Variants in DLGAP1 observed in about 807,000 individuals in gnomAD.
The protein encoded by DLGAP1 is disks large-associated protein 1.
DLGAP1 carries 11 observed loss-of-function variants against 90.8 expected under a neutral mutation model. The ratio of observed to expected loss-of-function variants is 0.12; its 90% confidence interval spans 0.08 to 0.20. DLGAP1 has a LOEUF of 0.20. Among genes scored for constraint, DLGAP1 ranks in the 10% least tolerant of loss-of-function variants. DLGAP1 has a pLI of 1.00. For synonymous variants in DLGAP1, 558 were observed against 540.7 expected, an observed-to-expected ratio of 1.03 and a Z score of -0.44; for missense variants, 1,050 against 1,333.8, an observed-to-expected ratio of 0.79 and a Z score of 3.31.
intron 4 of DLGAP1, among the ~76,000 whole-genome samples, chr18:3,870,257 C>G (rs2070663136): frequency 6.6e-6 from 1 of 152,182 alleles, no homozygotes; most frequent in South Asian, 2.1e-4. Flanking sequence ...ATTAAGGAAG[C>G]TTTACCTCTA....
intron 1 of DLGAP1, among the ~76,000 whole-genome samples, chr18:4,221,461 C>T (rs998642017): frequency 1.3e-5 from 2 of 152,090 alleles, no homozygotes; most frequent in Admixed American, 6.6e-5. Context: ...TTTCTCTCAT[C>T]AATAAAATAT....
Position 4,342,301 on chromosome 18 carries a change from G to A in DLGAP1, c.-267+112705C>T, listed in dbSNP as rs1167576298. On this transcript the variant is annotated intron_variant, in intron 1 of 12. Transcript: ENST00000315677. The surrounding 1 kb of genome is among the most constrained non-coding windows in gnomAD (Gnocchi z 5.8). ...TGGTAGGCGAGGATTTTTTATATTA[G>A]ATGTTACTTGTATTTTTGAACTATA... is the stretch of plus-strand genomic sequence containing the variant. Among the ~76,000 whole-genome samples, 1 of 151,942 alleles carries A rather than the reference G, an allele frequency of 6.6e-6. No homozygotes were observed. Among genetic ancestry groups the A allele is most frequent in the Non-Finnish European group, 1.5e-5 (1 of 68,004 alleles).
Position 3,739,568 on chromosome 18 carries a change from T to C in DLGAP1, c.1350+2767A>G, listed in dbSNP as rs549934845. Reference sequence around the variant, plus strand: ...GCATATTCTCACTCATAGGTGGGAATTGAACAATGAGATCACATGGACACA... The same window carrying C: ...GCATATTCTCACTCATAGGTGGGAACTGAACAATGAGATCACATGGACACA... On this transcript the variant is annotated intron_variant, in intron 6 of 12. Transcript: ENST00000315677. Among the ~76,000 whole-genome samples, 396 of 141,466 alleles carry C rather than the reference T, an allele frequency of 2.8e-3. 1 individual carries two copies. The highest frequency in any genetic ancestry group is 0.01 in the African/African-American group (381 of 37,196). The allele number at this position is 141,466 out of a possible 152,430, so 92.8% of individuals were successfully genotyped here. A position where few individuals can be genotyped will look rare whatever the true frequency, so the allele number is the denominator to read the frequency against.
rs894972430 is a variant in DLGAP1 at position 4,455,152 on chromosome 18, G to A, written c.-413C>T. 1 of 151,638 alleles carries A rather than the reference G, an allele frequency of 6.6e-6. No homozygotes were observed. Among genetic ancestry groups the A allele is most frequent in the African/African-American group, 2.4e-5 (1 of 41,392 alleles). 9.4% of individuals were successfully genotyped at this position (151,638 alleles called of 1,614,324 possible). A position where few individuals can be genotyped will look rare whatever the true frequency, so the allele number is the denominator to read the frequency against. On this transcript the variant is annotated 5_prime_UTR_variant, in exon 1 of 13. Coordinates refer to ENST00000315677, the MANE Select transcript of DLGAP1 (RefSeq NM_004746.4). The stretch of plus-strand genomic sequence containing the variant: ...GACTCGAGAGAGGAGCCGAGGCGGC[G>A]GCGGCCGTTCGCGCCGCCTATGCTG...
At chr18:4,184,100 C>T (rs1328055016) in intron 1 of DLGAP1, among the ~76,000 whole-genome samples, 1 of 152,086 alleles carries the variant, frequency 6.6e-6, no homozygotes, top group African/African-American at 2.4e-5. Context: ...TCTGGATAAA[C>T]TTTAAGAAAA....
At chr18:4,281,614 G>A (rs1160641003) in intron 1 of DLGAP1, among the ~76,000 whole-genome samples, 4 of 152,108 alleles carry the variant, frequency 2.6e-5, no homozygotes, top group South Asian at 2.1e-4. Flanking sequence ...GCAATAATTC[G>A]CTTTCATTTC....
chr18:3,893,744 T>C (rs1246781509), intron 3 of DLGAP1, among the ~76,000 whole-genome samples: 2 of 152,010 alleles, frequency 1.3e-5, no homozygotes, highest in Non-Finnish European at 2.9e-5. Flanking sequence ...AGTAGTGGGA[T>C]TGCTGGATCA....
At chr18:4,157,730 C>T (rs2076780729) in intron 1 of DLGAP1, among the ~76,000 whole-genome samples, 1 of 152,156 alleles carries the variant, frequency 6.6e-6, no homozygotes, top group Non-Finnish European at 1.5e-5. Flanking sequence ...ACGTGATGTT[C>T]ATAATGGTGA....
intron 3 of DLGAP1, among the ~76,000 whole-genome samples, chr18:3,934,182 C>T (rs1428489793): frequency 1.3e-5 from 2 of 152,162 alleles, no homozygotes; most frequent in Admixed American, 1.3e-4. Context: ...AAGCCTTCTT[C>T]ATTCATTTTA....
chr18:3,936,167 A>G (rs2148938245), intron 3 of DLGAP1, among the ~76,000 whole-genome samples: 1 of 152,284 alleles, frequency 6.6e-6, no homozygotes, highest in African/African-American at 2.4e-5. Flanking sequence ...TTGCAAGCCC[A>G]AGTCTGCACA....
intron 5 of DLGAP1, among the ~76,000 whole-genome samples, chr18:3,764,571 T>C (rs916367350): frequency 1.3e-5 from 2 of 152,256 alleles, no homozygotes; most frequent in Admixed American, 6.5e-5. Flanking sequence ...CATATACCCC[T>C]TGTTAATACA....
intron 8 of DLGAP1, among the ~76,000 whole-genome samples, chr18:3,573,372 C>G (rs977752842): frequency 3.9e-5 from 6 of 151,956 alleles, no homozygotes; most frequent in Admixed American, 3.3e-4. Flanking sequence ...CGTGGTAGCG[C>G]GTGGATGTAG....
At chr18:4,045,188 C>T (rs1299530411) in intron 2 of DLGAP1, among the ~76,000 whole-genome samples, 3 of 151,948 alleles carry the variant, frequency 2.0e-5, no homozygotes, top group African/African-American at 7.3e-5. Context: ...CTGCACTGTC[C>T]CTCGACTTTC....
chr18:4,027,502 T>C (rs1263781358), intron 2 of DLGAP1, among the ~76,000 whole-genome samples: 3 of 32,588 alleles, frequency 9.2e-5, no homozygotes, highest in African/African-American at 4.1e-4. Flanking sequence ...AGACTCCGTC[T>C]CAAAAAAAAA....
intron 7 of DLGAP1, among the ~76,000 whole-genome samples, chr18:3,609,876 G>C (rs541423660): frequency 8.3e-4 from 125 of 151,160 alleles, no homozygotes; most frequent in African/African-American, 2.9e-3. Flanking sequence ...TGGCCAACAC[G>C]GTGAAACCCT....
At chr18:3,961,493 G>A (rs1377315535) in intron 3 of DLGAP1, among the ~76,000 whole-genome samples, 1 of 152,110 alleles carries the variant, frequency 6.6e-6, no homozygotes, top group Admixed American at 6.5e-5. Flanking sequence ...CAAATGAAAG[G>A]TCCTGGCCCT....
chr18:3,604,872 T>C (rs940729092), intron 7 of DLGAP1, among the ~76,000 whole-genome samples: 9 of 152,138 alleles, frequency 5.9e-5, no homozygotes, highest in African/African-American at 2.2e-4. Flanking sequence ...GTAGAAAAAG[T>C]AAGTCTTGTT....
intron 5 of DLGAP1, chr18:3,774,446 C>T (rs8097867): frequency 0.1 from 15,623 of 152,254 alleles, 976 homozygotes; most frequent in East Asian, 0.17. Flanking sequence ...TTAGGAGAGA[C>T]TGTGTCTGGG....
intron 5 of DLGAP1, among the ~76,000 whole-genome samples, chr18:3,781,917 C>T (rs139002170): frequency 2.0e-4 from 31 of 152,186 alleles, no homozygotes; most frequent in Admixed American, 1.5e-3. Context: ...AGGTACACAC[C>T]GCTACATTTG....
Sources: gnomAD v4.1 joint callset for allele counts (sites outside exome capture counted in the v4.1 genomes callset) on GRCh38, gnomAD v4.1.1 for gene constraint, Gnocchi (gnomAD v3.1) non-coding constraint, MANE v1.5 for transcripts, NCBI Gene and HGNC (gene_info 2026-07-23, HGNC 2026-07-21) for gene names.